Variants in CSMD1 observed in about 807,000 individuals in gnomAD.
The protein encoded by CSMD1 is CUB and Sushi multiple domains 1.
CSMD1 carries 213 observed loss-of-function variants against 417.5 expected under a neutral mutation model. The ratio of observed to expected loss-of-function variants is 0.51; its 90% CI spans 0.46 to 0.57. CSMD1 has a LOEUF of 0.57. Among genes scored for constraint, CSMD1 ranks in the 20% least tolerant of loss-of-function variants. The pLI, the probability that CSMD1 is intolerant of heterozygous loss-of-function variation, is 0.00. For missense variants in CSMD1, 6,923 were observed against 4,529.7 expected (o/e 1.53, Z -15.17); for synonymous variants, 2,862 against 1,736.8 (o/e 1.65, Z -16.11).
At chr8:4,821,604 C>A (rs1221604939) in intron 1 of CSMD1, among the ~76,000 whole-genome samples, 1 of 152,036 alleles carries the variant, frequency 6.6e-6, no homozygotes, top group African/African-American at 2.4e-5. Flanking sequence ...TCTCATGCAG[C>A]CCTTCATATT....
At chr8:3,883,171 T>C (rs1806319007) in intron 5 of CSMD1, among the ~76,000 whole-genome samples, 3 of 152,162 alleles carry the variant, frequency 2.0e-5, no homozygotes, top group African/African-American at 4.8e-5. Flanking sequence ...TGGAATTAAA[T>C]GGCTGGGTGC....
chr8:3,517,621 G>T lies in CSMD1; in HGVS notation c.1345-23895C>A, dbSNP rs114749840. Among the ~76,000 whole-genome samples, 1,284 of 152,226 alleles carry T rather than the reference G, an allele frequency of 8.4e-3. 18 individuals are homozygous for T. Among genetic ancestry groups the T allele is most frequent in the African/African-American group, 0.029 (1,210 of 41,528 alleles). On this transcript the variant is annotated intron_variant, in intron 10 of 69. Transcript: ENST00000635120. ...GCTGAGGGAATAATATTTACTATAC[G>T]ATTTTTTTGGGGAAAAAGGCTTTCT...
intron 2 of CSMD1, among the ~76,000 whole-genome samples, chr8:4,601,081 C>A (rs1010265013): frequency 6.6e-6 from 1 of 151,944 alleles, no homozygotes; most frequent in Admixed American, 6.6e-5. Context: ...CTCAGCCTCC[C>A]AAGTAGCTGG....
At chr8:3,690,067 C>G (rs997984476) in intron 7 of CSMD1, among the ~76,000 whole-genome samples, 2 of 152,180 alleles carry the variant, frequency 1.3e-5, no homozygotes, top group Admixed American at 1.3e-4. Context: ...GTAATCCAAA[C>G]ATTGATCTAG....
At chr8:3,815,718 G>C (rs979992938) in intron 5 of CSMD1, among the ~76,000 whole-genome samples, 3 of 149,872 alleles carry the variant, frequency 2.0e-5, no homozygotes, top group Non-Finnish European at 3.0e-5. Context: ...TGAATTCTTT[G>C]GACTTGGAGA....
chr8:3,503,673 C>T (rs969494150), intron 10 of CSMD1, among the ~76,000 whole-genome samples: 3 of 152,212 alleles, frequency 2.0e-5, no homozygotes, highest in East Asian at 1.9e-4. Flanking sequence ...TTAGTCTCAG[C>T]TCAAGACAGC....
intron 3 of CSMD1, among the ~76,000 whole-genome samples, chr8:4,077,588 C>T (rs1009571537): frequency 3.3e-5 from 5 of 151,996 alleles, no homozygotes; most frequent in Non-Finnish European, 7.4e-5. Context: ...TATCAAATTC[C>T]TCCTGCTGTC....
rs376259501 is a variant in CSMD1, at chr8:3,411,290, C to CT, written c.1562-1686dup. ...TTTTAGAATTCTTCATGGGCTTGCA[C>CT]TTTATTATCTTGCAGGGGCCAAGAG... On this transcript the variant is annotated intron_variant, in intron 12 of 69. Coordinates refer to ENST00000635120, the MANE Select transcript of CSMD1 (RefSeq NM_033225.6). Among the ~76,000 whole-genome samples the CT allele has an allele frequency of 2.0e-3, 307 of 152,220 alleles. 1 individual carries two copies. Among genetic ancestry groups the CT allele is most frequent in the African/African-American group, 7.1e-3 (294 of 41,554 alleles).
At chr8:3,411,132 C>A (rs1812673316) in intron 12 of CSMD1, among the ~76,000 whole-genome samples, 2 of 152,128 alleles carry the variant, frequency 1.3e-5, no homozygotes, top group Admixed American at 1.3e-4. Context: ...TTGGAGGAGA[C>A]CTGGTGTCAT....
chr8:3,717,400 A>C (rs183804141), intron 6 of CSMD1, among the ~76,000 whole-genome samples: 2 of 149,596 alleles, frequency 1.3e-5, no homozygotes, highest in African/African-American at 4.9e-5. Flanking sequence ...CACAGTATTA[A>C]TTTTGTTTTT....
chr8:3,400,082 G>C (rs1476820194), intron 15 of CSMD1, among the ~76,000 whole-genome samples: 2 of 152,138 alleles, frequency 1.3e-5, no homozygotes, highest in African/African-American at 2.4e-5. Context: ...AGACTGCATT[G>C]AACCTTTTGC....
chr8:4,231,612 T>C (rs755954682), intron 3 of CSMD1, among the ~76,000 whole-genome samples: 6 of 152,160 alleles, frequency 3.9e-5, no homozygotes, highest in Admixed American at 6.5e-5. Context: ...CCCCAACAAA[T>C]GTTGAGTCAG....
In CSMD1 at chr8:4,611,431, C is replaced by T. The variant is rs180987498; in HGVS notation, c.302+25911G>A. ...TTGTTTAATGTTTTAAACTCCACTG[C>T]CATAAACATTTCTCAGTGTGTACCA... On this transcript the variant is annotated intron_variant, in intron 2 of 69. Transcript: ENST00000635120. 5.9e-5 allele frequency among the ~76,000 whole-genome samples: 9 copies of T among 152,272 alleles called. No individual in the cohort carries two copies. In the East Asian group the frequency reaches 1.5e-3, roughly 26 times the overall value.
intron 7 of CSMD1, among the ~76,000 whole-genome samples, chr8:3,628,578 T>C (rs1796607350): frequency 1.3e-5 from 2 of 152,180 alleles, no homozygotes; most frequent in Non-Finnish European, 2.9e-5. Context: ...CGGCAGCCAC[T>C]GGGCATCATG....
chr8:4,705,158 C>A (rs563643514), intron 1 of CSMD1, among the ~76,000 whole-genome samples: 1 of 152,112 alleles, frequency 6.6e-6, no homozygotes, highest in Non-Finnish European at 1.5e-5. Context: ...CCTCCTTCCC[C>A]TTCACCATAA....
intron 41 of CSMD1, among the ~76,000 whole-genome samples, chr8:3,139,003 T>A (rs945809503): frequency 6.6e-6 from 1 of 152,212 alleles, no homozygotes; most frequent in South Asian, 2.1e-4. Context: ...TTACGGCTAC[T>A]GGTGGTGACA....
chr8:3,222,463 G>C (rs888548803), intron 28 of CSMD1, among the ~76,000 whole-genome samples: 2 of 151,922 alleles, frequency 1.3e-5, no homozygotes, highest in Non-Finnish European at 2.9e-5. Flanking sequence ...GAATACACAA[G>C]CACACCAAGC....
intron 3 of CSMD1, among the ~76,000 whole-genome samples, chr8:4,267,914 G>T (rs566916139): frequency 6.6e-6 from 1 of 152,102 alleles, no homozygotes; most frequent in South Asian, 2.1e-4. Flanking sequence ...AAATAAAATA[G>T]GACTCACTTA....
At chr8:3,558,760 C>G in intron 10 of CSMD1, among the ~76,000 whole-genome samples, 1 of 150,856 alleles carries the variant, frequency 6.6e-6, no homozygotes, top group East Asian at 2.0e-4. Context: ...TGAATAGTGC[C>G]TCAATAGTAC....
Sources: allele counts gnomAD v4.1 joint callset (sites outside exome capture counted in the v4.1 genomes callset), GRCh38; gene constraint gnomAD v4.1.1; transcripts MANE v1.5; gene names NCBI Gene and HGNC (gene_info 2026-07-23, HGNC 2026-07-21).